Variants in NTRK3 observed in about 807,000 individuals in gnomAD.
The protein encoded by NTRK3 is neurotrophic receptor tyrosine kinase 3.
A neutral mutation model predicts 91.7 loss-of-function variants in NTRK3; 24 were observed. That is an observed-to-expected ratio of 0.26 (90% CI 0.19 to 0.37). The LOEUF is 0.37. NTRK3 is among the 10% of genes least tolerant of loss of function. NTRK3 has a pLI of 1.00. For synonymous variants in NTRK3, 483 were observed against 404.0 expected (o/e 1.20, Z -2.34); for missense variants, 880 against 1,068.9 (o/e 0.82, Z 2.46).
intron 14 of NTRK3, among the ~76,000 whole-genome samples, chr15:87,980,415 T>A (rs1336256075): frequency 1.3e-5 from 2 of 151,998 alleles, no homozygotes; most frequent in African/African-American, 4.8e-5. Context: ...ATTTGTGTGT[T>A]TGTGTGCATC....
At chr15:88,108,317 C>G (rs1332610644) in intron 13 of NTRK3, among the ~76,000 whole-genome samples, 1 of 152,202 alleles carries the variant, frequency 6.6e-6, no homozygotes, top group Non-Finnish European at 1.5e-5. Flanking sequence ...TCACTACCTG[C>G]CCGGAGTTCA....
At chr15:88,098,560 A>C (rs1394950464) in intron 13 of NTRK3, 1 of 228,986 alleles carries the variant, frequency 4.4e-6, no homozygotes, top group African/African-American at 2.2e-5. Flanking sequence ...ACTTATGATA[A>C]AATGCAGTTT....
At chr15:88,227,901 C>A (rs1039884309) in intron 3 of NTRK3, among the ~76,000 whole-genome samples, 7 of 152,150 alleles carry the variant, frequency 4.6e-5, no homozygotes, top group African/African-American at 1.7e-4. Flanking sequence ...ACTCCTGTAT[C>A]CAGATGGAAA....
intron 10 of NTRK3, chr15:88,132,178 A>T: frequency 5.6e-6 from 1 of 177,058 alleles, no homozygotes; most frequent in East Asian, 9.6e-5. Context: ...CTACCTTAAC[A>T]TTATCTGTTA....
intron 14 of NTRK3, among the ~76,000 whole-genome samples, chr15:88,003,050 A>G (rs1344851195): frequency 6.6e-6 from 1 of 152,262 alleles, no homozygotes; most frequent in Non-Finnish European, 1.5e-5. Flanking sequence ...CAATAATCAC[A>G]GAGCAAAGGG....
At position 88,233,936 on chromosome 15, in the gene NTRK3, G is replaced by C. The variant is rs559225393; in HGVS notation, c.248+21970C>G. Reference sequence around the variant, plus strand: ...AAATGTTGAGTCCCACTAGACATGCGTTGTTTCCTCTTTAATATTTAAACA... The same window carrying C: ...AAATGTTGAGTCCCACTAGACATGCCTTGTTTCCTCTTTAATATTTAAACA... On this transcript the variant is annotated intron_variant, in intron 3 of 18. Coordinates refer to ENST00000394480, the Ensembl canonical transcript of NTRK3. The surrounding 1 kb of genome is among the most constrained non-coding windows in gnomAD (Gnocchi z 4.2). Among the ~76,000 whole-genome samples the C allele has an allele frequency of 6.6e-6, 1 of 152,226 alleles. No individual in the cohort carries two copies. Among genetic ancestry groups the C allele is most frequent in the African/African-American group, 2.4e-5 (1 of 41,450 alleles).
At chr15:88,043,283 C>T (rs983706039) in intron 13 of NTRK3, among the ~76,000 whole-genome samples, 1 of 152,186 alleles carries the variant, frequency 6.6e-6, no homozygotes, top group Non-Finnish European at 1.5e-5. Flanking sequence ...TCTGATTGCA[C>T]GTATAAGGTG....
At chr15:87,900,848 G>T (rs1396577403) in intron 17 of NTRK3, among the ~76,000 whole-genome samples, 2 of 152,088 alleles carry the variant, frequency 1.3e-5, no homozygotes, top group African/African-American at 4.8e-5. Context: ...TGCATAATTG[G>T]TAGGGTGAGG....
chr15:88,181,009 T>A (rs1192769657), intron 5 of NTRK3, among the ~76,000 whole-genome samples: 1 of 152,218 alleles, frequency 6.6e-6, no homozygotes, highest in Non-Finnish European at 1.5e-5. Context: ...CCTCTGGGCA[T>A]CCCACTGTGC....
chr15:87,921,849 A>C (rs971188006), intron 17 of NTRK3, among the ~76,000 whole-genome samples: 3 of 152,076 alleles, frequency 2.0e-5, no homozygotes, highest in African/African-American at 7.2e-5. Context: ...TGGAATGCCT[A>C]ATCTTGCTAT....
chr15:88,025,952 G>C (rs1167702205), intron 14 of NTRK3, among the ~76,000 whole-genome samples: 1 of 152,010 alleles, frequency 6.6e-6, no homozygotes, highest in African/African-American at 2.4e-5. Flanking sequence ...GAAAGACTTT[G>C]TCTCAAAAAG....
intron 13 of NTRK3, among the ~76,000 whole-genome samples, chr15:88,069,906 A>C (rs2046963046): frequency 6.6e-6 from 1 of 152,196 alleles, no homozygotes; most frequent in Non-Finnish European, 1.5e-5. Flanking sequence ...GCACTTGGAA[A>C]GTCAGAACTC....
At chr15:88,048,876 G>GC (rs942521792) in intron 13 of NTRK3, among the ~76,000 whole-genome samples, 10 of 152,144 alleles carry the variant, frequency 6.6e-5, no homozygotes, top group African/African-American at 2.2e-4. Context: ...TCTTACCCCA[G>GC]CACTGCTGTA....
intron 13 of NTRK3, among the ~76,000 whole-genome samples, chr15:88,118,699 G>C (rs1314127795): frequency 6.6e-6 from 1 of 152,204 alleles, no homozygotes; most frequent in South Asian, 2.1e-4. Context: ...ATTACTGTGA[G>C]AGCCAGCACT....
At chr15:88,143,170 C>T (rs1444741731) in intron 6 of NTRK3, among the ~76,000 whole-genome samples, 3 of 152,160 alleles carry the variant, frequency 2.0e-5, no homozygotes, top group Non-Finnish European at 4.4e-5. Flanking sequence ...TTGCAGTGAG[C>T]CAAGATCATG....
chr15:87,962,228 G>A (rs2072368329), intron 14 of NTRK3, among the ~76,000 whole-genome samples: 1 of 152,170 alleles, frequency 6.6e-6, no homozygotes, highest in African/African-American at 2.4e-5. Context: ...CCGTGCATAT[G>A]TTTGGGCTCT....
intron 15 of NTRK3, among the ~76,000 whole-genome samples, chr15:87,935,466 G>C (rs562090230): frequency 2.0e-5 from 3 of 152,354 alleles, no homozygotes; most frequent in African/African-American, 7.2e-5. Flanking sequence ...CATGGTGAAA[G>C]ACAGTCTCTT....
At chr15:87,960,359 C>T (rs902294607) in intron 14 of NTRK3, among the ~76,000 whole-genome samples, 7 of 152,182 alleles carry the variant, frequency 4.6e-5, no homozygotes, top group African/African-American at 1.7e-4. Flanking sequence ...AAAGCTTCCA[C>T]TCAAGCTTTT....
At chr15:87,927,701 G>A (rs1024167092) in intron 17 of NTRK3, 4 of 152,166 alleles carry the variant, frequency 2.6e-5, no homozygotes, top group Non-Finnish European at 5.9e-5. Flanking sequence ...CTGCCATATG[G>A]AGAAGACACA....
Sources: allele counts gnomAD v4.1 joint callset (sites outside exome capture counted in the v4.1 genomes callset), GRCh38; gene constraint gnomAD v4.1.1; non-coding constraint Gnocchi (gnomAD v3.1); transcripts MANE v1.5; gene names NCBI Gene and HGNC (gene_info 2026-07-23, HGNC 2026-07-21).